MED6: variants seen among roughly 807,000 people sequenced by gnomAD.
MED6 encodes mediator of RNA polymerase II transcription subunit 6.
In MED6, 33 loss-of-function variants were observed where a neutral mutation model predicts 37.5. The observed-to-expected ratio is 0.88, with a 90% CI of 0.67 to 1.18. MED6 has a LOEUF of 1.18. MED6 is among the 50% of genes most tolerant of loss of function. MED6 has a pLI of 0.00. For missense variants in MED6, 235 were observed against 290.6 expected (o/e 0.81, Z 1.39); for synonymous variants, 94 against 93.6 (o/e 1.00, Z -0.02).
intron 3 of MED6, 124 bp downstream of exon 3, chr14:70,596,487 G>C (rs1189113285): frequency 1.5e-6 from 1 of 664,164 alleles, no homozygotes; most frequent in African/African-American, 1.8e-5. Context: ...GCATAGTACT[G>C]AACATGTATG....
intron 1 of MED6, 168 bp from the exon 2 acceptor site, chr14:70,597,945 A>G (rs1885092714): frequency 2.3e-6 from 1 of 439,106 alleles, no homozygotes; most frequent in African/African-American, 2.1e-5. Flanking sequence ...CAAGAAAGCA[A>G]TAACATGATT....
intron 3 of MED6, chr14:70,596,116 C>A (rs1885038467): frequency 9.9e-6 from 2 of 202,058 alleles, no homozygotes; most frequent in South Asian, 1.0e-4. Context: ...CCTTTGCAGA[C>A]AATTTGTACA....
chr14:70,596,541 G>A, intron 3 of MED6, 70 bp downstream of exon 3: 1 of 1,251,592 alleles, frequency 8.0e-7, no homozygotes, highest in Non-Finnish European at 1.1e-6. Context: ...AAAAAAACAA[G>A]TTAGGTCAGG....
At chr14:70,599,133 A>G (rs968006135) in intron 1 of MED6, among the ~76,000 whole-genome samples, 9 of 152,324 alleles carry the variant, frequency 5.9e-5, no homozygotes, top group African/African-American at 2.2e-4. Flanking sequence ...AAAAACTTCA[A>G]TCTCTCTTAT....
At chr14:70,599,551 T>C (rs1220242618) in intron 1 of MED6, among the ~76,000 whole-genome samples, 1 of 152,122 alleles carries the variant, frequency 6.6e-6, no homozygotes, top group African/African-American at 2.4e-5. Context: ...CCAAAGACCT[T>C]ATCATAGCTT....
rs17108240 is a variant in MED6, at chr14:70,583,733, A to C, written c.*1080T>G. The C allele has an allele frequency of 0.065, 12,007 of 184,996 alleles. 808 individuals carry two copies. Among genetic ancestry groups the C allele is most frequent in the African/African-American group, 0.19 (8,160 of 42,918 alleles). 11.5% of individuals were successfully genotyped at this position (184,996 alleles called of 1,614,324 possible). On this transcript the variant is annotated 3_prime_UTR_variant, in exon 8 of 8. Transcript: ENST00000256379. Reference sequence around the variant, plus strand: ...AAAACAGTCTATAAAAACTACATAAACATGGGGAAAAGCTTACAACAGATA... The same window carrying C: ...AAAACAGTCTATAAAAACTACATAACCATGGGGAAAAGCTTACAACAGATA...
At position 70,583,816 on chromosome 14, in the gene MED6, A is replaced by G. The variant is rs1884616633; in HGVS notation, c.*997T>C. 3.0e-6 allele frequency: 1 copy of G among 332,344 alleles called. No individual in the cohort carries two copies. 20.6% of individuals were successfully genotyped at this position (332,344 alleles called of 1,614,324 possible). On this transcript the variant is annotated 3_prime_UTR_variant, in exon 8 of 8. Transcript: ENST00000256379. ...AAAGTACAGTTTTAAAAGCATCTAC[A>G]TGCAGCAAGCACACTCAGCCCCCTT...
chr14:70,596,100 T>TACCAACA (rs894766560), intron 3 of MED6: 10 of 206,128 alleles, frequency 4.9e-5, no homozygotes, highest in Non-Finnish European at 7.9e-5. Flanking sequence ...AGGCTGGTTG[T>TACCAACA]ACCAGCCTTT....
rs142780972 is a variant in MED6, at chr14:70,584,406, G to A, written c.*407C>T. 963 of 373,798 alleles carry A rather than the reference G, an allele frequency of 2.6e-3. 12 individuals are homozygous for A. Among genetic ancestry groups the A allele is most frequent in the African/African-American group, 0.016 (781 of 47,994 alleles). The allele number at this position is 373,798 out of a possible 1,614,324, so 23.2% of individuals were successfully genotyped here. ...TTCTTCTTTTTTGAGACAAAGTCTC[G>A]CTCTGTCGCCCAAGCTGGAGTGCAA... On this transcript the variant is annotated 3_prime_UTR_variant, in exon 8 of 8. Coordinates refer to ENST00000256379, the MANE Select transcript of MED6 (RefSeq NM_005466.4).
At chr14:70,588,547 G>A (rs919292300) in intron 6 of MED6, among the ~76,000 whole-genome samples, 19 of 151,842 alleles carry the variant, frequency 1.3e-4, no homozygotes, top group Admixed American at 1.0e-3. Flanking sequence ...TTAGCCGGGC[G>A]TGGTGGCAGG....
chr14:70,588,269 C>T (rs1884767644), intron 6 of MED6, among the ~76,000 whole-genome samples: 1 of 151,996 alleles, frequency 6.6e-6, no homozygotes, highest in Non-Finnish European at 1.5e-5. Flanking sequence ...TGGTTTTTGG[C>T]CCTTGGATGG....
Position 70,584,092 on chromosome 14 carries a change from T to C in MED6, c.*721A>G, listed in dbSNP as rs1884625683. 2 of 661,376 alleles carry C rather than the reference T, an allele frequency of 3.0e-6. No homozygotes were observed. The highest frequency in any genetic ancestry group is 4.5e-5 in the Admixed American group (2 of 44,270). 41.0% of individuals were successfully genotyped at this position (661,376 alleles called of 1,614,324 possible). ...TTTTCCTTTTCTTCATCTTCCAAAA[T>C]GTCAGCAACTGTTTATTTTAATACT... On this transcript the variant is annotated 3_prime_UTR_variant, in exon 8 of 8. Coordinates refer to ENST00000256379, the MANE Select transcript of MED6 (RefSeq NM_005466.4).
intron 6 of MED6, among the ~76,000 whole-genome samples, chr14:70,590,643 A>G (rs1319419800): frequency 6.6e-6 from 1 of 152,246 alleles, no homozygotes; most frequent in Non-Finnish European, 1.5e-5. Context: ...CCATGAGAAC[A>G]GCATATTCAT....
At chr14:70,588,842 T>C (rs1884792025) in intron 6 of MED6, among the ~76,000 whole-genome samples, 1 of 151,964 alleles carries the variant, frequency 6.6e-6, no homozygotes, top group Non-Finnish European at 1.5e-5. Context: ...TTAATTATTC[T>C]CTCTGCTTTC....
chr14:70,598,209 G>A lies in MED6; in HGVS notation c.23-432C>T, dbSNP rs538338580. Among the ~76,000 whole-genome samples the A allele has an allele frequency of 4.5e-4, 68 of 152,184 alleles. No homozygotes were observed. The South Asian group carries it at 0.013, about 30-fold the overall frequency. On this transcript the variant is annotated intron_variant, in intron 1 of 7. Coordinates refer to ENST00000256379, the MANE Select transcript of MED6 (RefSeq NM_005466.4). ...CTTGGGAGACTGAGACAGGAGAATC[G>A]CTTGCACCCAGAAGGTCTCGGAGAT...
chr14:70,596,713 A>C lies in MED6; in HGVS notation c.183-11T>G. 1 of 1,592,420 alleles carries C rather than the reference A, an allele frequency of 6.3e-7. No individual in the cohort carries two copies. The highest frequency in any genetic ancestry group is 8.6e-7 in the Non-Finnish European group (1 of 1,161,352). ...ATTCCAACCATCTGACTGAAAACAG[A>C]ACACAGACATCCAAAGATCTATAAA... On this transcript the variant is annotated splice_polypyrimidine_tract_variant and intron_variant, in intron 2 of 7. Coordinates refer to ENST00000256379, the MANE Select transcript of MED6 (RefSeq NM_005466.4).
intron 1 of MED6, among the ~76,000 whole-genome samples, chr14:70,599,986 C>T (rs1420031441): frequency 6.6e-6 from 1 of 151,994 alleles, no homozygotes; most frequent in Non-Finnish European, 1.5e-5. Context: ...TACACAAAAA[C>T]AACTCTACAT....
rs148802408 is a variant in MED6, at chr14:70,592,894, T to C, written c.452A>G (p.Asp151Gly). 1 of 1,613,866 alleles carries C rather than the reference T, an allele frequency of 6.2e-7. No individual in the cohort carries two copies. Among genetic ancestry groups the C allele is most frequent in the African/African-American group, 1.3e-5 (1 of 75,048 alleles). Residue 151 changes from aspartate (D) to glycine (G), a missense_variant, in exon 5 of 8, where the codon GAT (aspartate) becomes GGT (glycine). By Grantham distance (94) the Asp-to-Gly change is moderately conservative. Coordinates refer to ENST00000256379, the MANE Select transcript of MED6 (RefSeq NM_005466.4). The stretch of plus-strand genomic sequence containing the variant: ...GTTCTACTTACCTTGCTCTTCATGA[T>C]CTTTGAAGTGCCACCAATACCCTTT... ...PSKGYWWHFK[D>G]HEEQDKVRPK...
chr14:70,592,797 T>G, intron 5 of MED6, 83 bp downstream of exon 5: 1 of 1,479,954 alleles, frequency 6.8e-7, no homozygotes, highest in Non-Finnish European at 9.3e-7. Context: ...TTAGAAAAGA[T>G]CAACAGCCAT....
Sources: gnomAD v4.1 joint callset for allele counts (sites outside exome capture counted in the v4.1 genomes callset) on GRCh38, gnomAD v4.1.1 for gene constraint, MANE v1.5 for transcripts, NCBI Gene and HGNC (gene_info 2026-07-23, HGNC 2026-07-21) for gene names.